The following LRRC23 variants were observed in gnomAD, a reference collection of about 807,000 sequenced individuals.
The protein encoded by LRRC23 is leucine rich repeat containing 23, also known as leucine-rich repeat-containing protein 23.
LRRC23 carries 28 observed loss-of-function variants against 37.7 expected under a neutral mutation model. The observed-to-expected ratio is 0.74, with a 90% CI of 0.55 to 1.02. The LOEUF (loss-of-function observed/expected upper bound fraction) is 1.02. Among genes scored for constraint, LRRC23 ranks in the 50% least tolerant of loss-of-function variants. The pLI, the probability that LRRC23 is intolerant of heterozygous loss-of-function variation, is 0.00. For synonymous variants in LRRC23, 161 were observed against 165.4 expected, an observed-to-expected ratio of 0.97 and a Z score of 0.20; for missense variants, 377 against 413.2, an observed-to-expected ratio of 0.91 and a Z score of 0.76.
intron 4 of LRRC23, 36 bp downstream of exon 4, chr12:6,906,698 CT>C (rs782501198): frequency 2.5e-6 from 4 of 1,602,044 alleles, no homozygotes; most frequent in Non-Finnish European, 2.6e-6. Context: ...AGATTCTTTC[CT>C]TCCTAGCCTG....
At position 6,907,363 on chromosome 12, in the gene LRRC23, G is replaced by T; in HGVS notation, c.539G>T (p.Ser180Ile). Reference protein sequence around the residue: ...VTGLDPEKLISLHTVELRGNQ... With the variant: ...VTGLDPEKLIILHTVELRGNQ... ...GGTCTGGACCCCGAGAAGTTGATCA[G>T]CCTGCACACAGTGGAGCTTCGGGGG... Residue 180 changes from serine (S) to isoleucine (I), a missense_variant, in exon 5 of 8, where the codon AGC becomes ATC. This residue lies in a region of LRRC23 where 266 missense variants were observed against 285.6 expected (regional missense o/e 0.93). Coordinates refer to ENST00000443597, the MANE Select transcript of LRRC23 (RefSeq NM_001135217.2). The T allele has an allele frequency of 6.2e-7, 1 of 1,613,994 alleles. No individual in the cohort carries two copies. Among genetic ancestry groups the T allele is most frequent in the Non-Finnish European group, 8.5e-7 (1 of 1,179,976 alleles).
At chr12:6,910,380 G>C (rs563234702) in intron 6 of LRRC23, among the ~76,000 whole-genome samples, 19 of 151,966 alleles carry the variant, frequency 1.3e-4, no homozygotes, top group Non-Finnish European at 2.4e-4. Flanking sequence ...TTCAGGACCA[G>C]CCTGGGCAAC....
At chr12:6,910,264 C>A (rs1945127334) in intron 6 of LRRC23, among the ~76,000 whole-genome samples, 1 of 152,130 alleles carries the variant, frequency 6.6e-6, no homozygotes, top group Admixed American at 6.5e-5. Flanking sequence ...ATGTGCCAGG[C>A]CTTGTGCTGT....
rs782157291 is a variant in LRRC23 at position 6,907,949 on chromosome 12, G to A, written c.621+504G>A. On this transcript the variant is annotated intron_variant, in intron 5 of 7. Transcript: ENST00000443597. ...GGTTCCCAAGAGTGACCCCTACACC[G>A]CCCACATACACCAGTTGCAAGTCCA... Among the ~76,000 whole-genome samples, 7 of 152,208 alleles carry A rather than the reference G, an allele frequency of 4.6e-5. No individual in the cohort carries two copies. The South Asian group carries it at 8.3e-4, about 18-fold the overall frequency.
At position 6,905,947 on chromosome 12, in the gene LRRC23, A is replaced by C. The variant is rs1555139497; in HGVS notation, c.229A>C (p.Lys77Gln). The change falls in exon 3 of 8, where the codon AAA becomes CAA. Residue 77 changes from lysine (K) to glutamine (Q), a missense_variant. Physicochemically the swap from Lys to Gln is moderately conservative, Grantham distance 53. Transcript: ENST00000443597. ...LAHAYVKLEVKERDLTDIYLL... is the reference protein window; with the variant it reads ...LAHAYVKLEVQERDLTDIYLL... ...TCATGCTTATGTCAAGCTGGAGGTT[A>C]AAGAGAGGTGCGTTTTGGGGGGACC... 1 of 1,613,886 alleles carries C rather than the reference A, an allele frequency of 6.2e-7. No individual in the cohort carries two copies. Among genetic ancestry groups the C allele is most frequent in the South Asian group, 1.1e-5 (1 of 91,060 alleles).
intron 3 of LRRC23, 93 bp from the exon 4 acceptor site, chr12:6,906,316 A>G: frequency 8.2e-7 from 1 of 1,218,756 alleles, no homozygotes; most frequent in South Asian, 1.4e-5. Context: ...ATTATAAGCC[A>G]TCTCCATATT....
In LRRC23 at chr12:6,907,304, C is replaced by T. The variant is rs201019705; in HGVS notation, c.491-11C>T. ...AGTGGCCCTTTGAGCTCTTGAAACCCTCCTCCCCAGGGAACAGCATCCACA... is the reference window on the plus strand; with the variant it reads ...AGTGGCCCTTTGAGCTCTTGAAACCTTCCTCCCCAGGGAACAGCATCCACA... On this transcript the variant is annotated splice_polypyrimidine_tract_variant and intron_variant, in intron 4 of 7. Coordinates refer to ENST00000443597, the MANE Select transcript of LRRC23 (RefSeq NM_001135217.2). 2.5e-6 allele frequency: 4 copies of T among 1,613,356 alleles called. No individual in the cohort carries two copies. The highest frequency in any genetic ancestry group is 1.7e-5 in the Admixed American group (1 of 59,998).
chr12:6,906,064 A>G (rs782568579), intron 3 of LRRC23, 110 bp downstream of exon 3: 2 of 962,998 alleles, frequency 2.1e-6, no homozygotes, highest in Non-Finnish European at 3.2e-6. Context: ...TCTCATGCCT[A>G]GTGGAAAGGG....
At chr12:6,909,533 G>T (rs1945106929) in intron 5 of LRRC23, among the ~76,000 whole-genome samples, 1 of 119,540 alleles carries the variant, frequency 8.4e-6, no homozygotes, top group Non-Finnish European at 1.6e-5. Flanking sequence ...GGAAGCCACT[G>T]AAATATTTAG....
chr12:6,909,160 AT>A lies in LRRC23; in HGVS notation c.622-729del. ...TTATATATTATATATTATATATTATATATAAAATATATAATATATAATTATA... is the reference window on the plus strand; with the variant it reads ...TTATATATTATATATTATATATTATAATAAAATATATAATATATAATTATA... On this transcript the variant is annotated intron_variant, in intron 5 of 7. Transcript: ENST00000443597. Among the ~76,000 whole-genome samples the A allele has an allele frequency of 5.2e-4, 2 of 3,850 alleles. 1 individual carries two copies. Among genetic ancestry groups the A allele is most frequent in the Non-Finnish European group, 7.6e-4 (2 of 2,632 alleles). 2.5% of individuals were successfully genotyped at this position (3,850 alleles called of 152,430 possible). A position where few individuals can be genotyped will look rare whatever the true frequency, so the allele number is the denominator to read the frequency against.
intron 6 of LRRC23, among the ~76,000 whole-genome samples, chr12:6,912,111 T>G (rs1200353881): frequency 6.6e-6 from 1 of 152,162 alleles, no homozygotes; most frequent in East Asian, 1.9e-4. Flanking sequence ...TAGGTTCTCT[T>G]TGTGGAGAGC....
intron 5 of LRRC23, among the ~76,000 whole-genome samples, chr12:6,908,613 A>AAAAAAAAAAAC (rs1555140043): frequency 1.1e-4 from 13 of 118,344 alleles, no homozygotes; most frequent in African/African-American, 4.0e-4. Flanking sequence ...AAAAAAAAAA[A>AAAAAAAAAAAC]AAAAAAACCA....
chr12:6,911,150 T>G (rs1241454443), intron 6 of LRRC23, among the ~76,000 whole-genome samples: 1 of 152,172 alleles, frequency 6.6e-6, no homozygotes, highest in African/African-American at 2.4e-5. Flanking sequence ...GAGAAGGACA[T>G]TTGTAAGAAA....
At position 6,909,995 on chromosome 12, in the gene LRRC23, G is replaced by C. The variant is rs782129431; in HGVS notation, c.727G>C (p.Glu243Gln). The C allele has an allele frequency of 6.2e-7, 1 of 1,613,542 alleles. No homozygotes were observed. Among genetic ancestry groups the C allele is most frequent in the Non-Finnish European group, 8.5e-7 (1 of 1,179,862 alleles). ...TGACACCCTGAGTGGCTTCTCCAGA[G>C]AAATGAAATCATTGCAGTACCTCAA... ...QIDTLSGFSR[E>Q]MKSLQYLNLR... The change falls in exon 6 of 8, where the codon GAA becomes CAA. Residue 243 changes from glutamate (E) to glutamine (Q), a missense_variant. Glu to Gln is a conservative substitution (Grantham distance 29). Transcript: ENST00000443597.
rs184876216 is a variant in LRRC23 at position 6,905,965 on chromosome 12, G to C, written c.236+11G>C. 2.7e-3 allele frequency: 4,285 copies of C among 1,610,036 alleles called. 114 individuals carry two copies. The South Asian group carries it at 0.037, about 14-fold the overall frequency. On this transcript the variant is annotated intron_variant, in intron 3 of 7. Transcript: ENST00000443597. Reference sequence around the variant, plus strand: ...GGAGGTTAAAGAGAGGTGCGTTTTGGGGGGACCAGATGAGGACTGTGAGAC... The same window carrying C: ...GGAGGTTAAAGAGAGGTGCGTTTTGCGGGGACCAGATGAGGACTGTGAGAC...
At position 6,907,334 on chromosome 12, in the gene LRRC23, G is replaced by T. The variant is rs782587340; in HGVS notation, c.510G>T (p.Val170=). ...LNLKGNSIHM[V]TGLDPEKLIS... ...CCCCAGGGAACAGCATCCACATGGT[G>T]ACAGGTCTGGACCCCGAGAAGTTGA... The change falls in exon 5 of 8, where the codon GTG becomes GTT. Residue 170 remains valine (V), a synonymous_variant. Transcript: ENST00000443597. 6.2e-7 allele frequency: 1 copy of T among 1,614,024 alleles called. No individual in the cohort carries two copies. Among genetic ancestry groups the T allele is most frequent in the Admixed American group, 1.7e-5 (1 of 60,002 alleles).
chr12:6,906,303 C>A lies in LRRC23; in HGVS notation c.237-106C>A, dbSNP rs782040896. The stretch of plus-strand genomic sequence containing the variant: ...CTACCATCTGTTGCCCATTCTTCTC[C>A]CCATTATAAGCCATCTCCATATTGC... On this transcript the variant is annotated intron_variant, in intron 3 of 7. Coordinates refer to ENST00000443597, the MANE Select transcript of LRRC23 (RefSeq NM_001135217.2). The A allele has an allele frequency of 4.1e-5, 45 of 1,109,072 alleles. No individual in the cohort carries two copies. In the African/African-American group the frequency reaches 6.4e-4, roughly 16 times the overall value. The allele number at this position is 1,109,072 out of a possible 1,614,324, so 68.7% of individuals were successfully genotyped here. A position where few individuals can be genotyped will look rare whatever the true frequency, so the allele number is the denominator to read the frequency against.
Position 6,909,954 on chromosome 12 carries a change from T to A in LRRC23, c.686T>A (p.Leu229His). 4 of 1,613,974 alleles carry A rather than the reference T, an allele frequency of 2.5e-6. No homozygotes were observed. The highest frequency in any genetic ancestry group is 3.4e-6 in the Non-Finnish European group (4 of 1,179,972). ...CTGAGCAATCTCACCACCTTGCATC[T>A]TCGAGACAACCAGATTGACACCCTG... is the stretch of plus-strand genomic sequence containing the variant. ...EDLSNLTTLH[L>H]RDNQIDTLSG... The change falls in exon 6 of 8, where the codon CTT becomes CAT. Residue 229 changes from leucine to histidine, a missense_variant. This residue lies in a region of LRRC23 where 266 missense variants were observed against 285.6 expected (regional missense o/e 0.93). Transcript: ENST00000443597.
At chr12:6,911,290 G>A (rs1419248177) in intron 6 of LRRC23, among the ~76,000 whole-genome samples, 1 of 152,158 alleles carries the variant, frequency 6.6e-6, no homozygotes, top group Admixed American at 6.5e-5. Context: ...TCTTGAGCTG[G>A]TAATGGAAAG....
Sources: gnomAD v4.1 joint callset for allele counts (sites outside exome capture counted in the v4.1 genomes callset) on GRCh38, gnomAD v4.1.1 for gene constraint, gnomAD v4.1.1 regional missense constraint, MANE v1.5 for transcripts, NCBI Gene and HGNC (gene_info 2026-07-23, HGNC 2026-07-21) for gene names.